Variants in WSCD2 observed in about 807,000 individuals in gnomAD.
WSCD2 encodes sialate:O-sulfotransferase 2.
Under a neutral mutation model 55.7 loss-of-function variants are expected in WSCD2, and 28 were observed. That is an observed-to-expected ratio of 0.50 (90% CI 0.37 to 0.69). WSCD2 has a LOEUF of 0.69. WSCD2 is among the 30% of genes least tolerant of loss of function. The probability of loss-of-function intolerance (pLI) is 0.00; values close to 1 mark genes in which losing one functional copy is unlikely to be tolerated. For synonymous variants in WSCD2, 301 were observed against 301.9 expected (o/e 1.00, Z 0.03); for missense variants, 616 against 762.1 (o/e 0.81, Z 2.26).
At chr12:108,232,552 C>T (rs1888884475) in intron 6 of WSCD2, among the ~76,000 whole-genome samples, 179 bp from the exon 7 acceptor site, 1 of 152,138 alleles carries the variant, frequency 6.6e-6, no homozygotes, top group Non-Finnish European at 1.5e-5. Flanking sequence ...AACCATCTCC[C>T]TCATTTTACA....
intron 7 of WSCD2, among the ~76,000 whole-genome samples, chr12:108,235,793 C>T (rs1297487412): frequency 6.6e-6 from 1 of 152,140 alleles, no homozygotes; most frequent in African/African-American, 2.4e-5. Flanking sequence ...GTTGCCTTTT[C>T]ATTAGGAGCT....
At chr12:108,218,027 G>C (rs1426364) in intron 4 of WSCD2, among the ~76,000 whole-genome samples, 114,218 of 152,064 alleles carry the variant, frequency 0.75, 43,071 homozygotes, top group East Asian at 0.86. Context: ...TTCCACATGG[G>C]TCTCCCCCTC....
intron 1 of WSCD2, among the ~76,000 whole-genome samples, chr12:108,141,777 A>G (rs12316634): frequency 0.036 from 5,503 of 152,264 alleles, 326 homozygotes; most frequent in African/African-American, 0.12. Context: ...GTATATGATG[A>G]AACTGGAATG....
At chr12:108,142,723 G>T (rs184510041) in intron 1 of WSCD2, among the ~76,000 whole-genome samples, 196 of 152,302 alleles carry the variant, frequency 1.3e-3, no homozygotes, top group Non-Finnish European at 2.3e-3. Context: ...AGGCTTGGCT[G>T]GATCCAGGAG....
intron 5 of WSCD2, 76 bp downstream of exon 5, chr12:108,224,936 C>A: frequency 1.3e-6 from 2 of 1,557,064 alleles, no homozygotes; most frequent in Non-Finnish European, 1.7e-6. Context: ...ACATGCTTGG[C>A]TGGAGAAGCA....
At chr12:108,150,823 A>G (rs753524166) in intron 1 of WSCD2, among the ~76,000 whole-genome samples, 13 of 152,136 alleles carry the variant, frequency 8.5e-5, no homozygotes, top group Non-Finnish European at 1.8e-4. Context: ...TGGGCCCAGC[A>G]GGCACTTGAG....
chr12:108,215,759 G>T (rs1886757582), intron 4 of WSCD2, among the ~76,000 whole-genome samples: 1 of 152,146 alleles, frequency 6.6e-6, no homozygotes, highest in African/African-American at 2.4e-5. Flanking sequence ...CTCTTCCACG[G>T]CTGCCTCTAA....
At chr12:108,199,534 G>A (rs928433988) in intron 2 of WSCD2, among the ~76,000 whole-genome samples, 2 of 152,234 alleles carry the variant, frequency 1.3e-5, no homozygotes, top group African/African-American at 4.8e-5. Flanking sequence ...GTGCAGCCTT[G>A]GGCAGGTCGC....
chr12:108,199,424 T>A (rs1431022448), intron 2 of WSCD2, among the ~76,000 whole-genome samples: 1 of 152,098 alleles, frequency 6.6e-6, no homozygotes, highest in Non-Finnish European at 1.5e-5. Flanking sequence ...CATGTGCCAG[T>A]CATTTACCTA....
intron 8 of WSCD2, among the ~76,000 whole-genome samples, chr12:108,242,721 C>G (rs1889849661): frequency 6.6e-6 from 1 of 152,180 alleles, no homozygotes; most frequent in Non-Finnish European, 1.5e-5. Flanking sequence ...AACCCATCCC[C>G]TAGATATTAA....
intron 2 of WSCD2, among the ~76,000 whole-genome samples, chr12:108,205,828 G>A (rs1473068831): frequency 6.6e-6 from 1 of 152,240 alleles, no homozygotes; most frequent in Non-Finnish European, 1.5e-5. Context: ...ATGCTAGGAG[G>A]TAAACGAAGT....
At chr12:108,203,076 G>A (rs1884910117) in intron 2 of WSCD2, among the ~76,000 whole-genome samples, 1 of 152,198 alleles carries the variant, frequency 6.6e-6, no homozygotes, top group African/African-American at 2.4e-5. Context: ...CCTGGACATG[G>A]ATTTGGTCTG....
intron 2 of WSCD2, among the ~76,000 whole-genome samples, chr12:108,205,724 A>T (rs1371086875): frequency 6.6e-6 from 1 of 152,196 alleles, no homozygotes; most frequent in Non-Finnish European, 1.5e-5. Flanking sequence ...TACATAAATC[A>T]TTCTATTTTA....
intron 5 of WSCD2, among the ~76,000 whole-genome samples, chr12:108,226,425 C>T (rs762670561): frequency 5.3e-5 from 8 of 152,072 alleles, no homozygotes; most frequent in Non-Finnish European, 7.4e-5. Context: ...AAGCATGGGT[C>T]TCATATCACC....
intron 4 of WSCD2, among the ~76,000 whole-genome samples, chr12:108,213,577 G>T (rs922148559): frequency 6.6e-5 from 10 of 152,298 alleles, no homozygotes; most frequent in African/African-American, 2.2e-4. Flanking sequence ...TAAAGGAGGG[G>T]ACATTTGACA....
At chr12:108,143,575 A>G (rs1282732873) in intron 1 of WSCD2, among the ~76,000 whole-genome samples, 2 of 152,230 alleles carry the variant, frequency 1.3e-5, no homozygotes, top group Non-Finnish European at 2.9e-5. Flanking sequence ...CATGCAAGGT[A>G]CTTAGCACTG....
intron 1 of WSCD2, among the ~76,000 whole-genome samples, chr12:108,141,289 TAG>T (rs1291786530): frequency 6.6e-6 from 1 of 152,136 alleles, no homozygotes; most frequent in Admixed American, 6.5e-5. Flanking sequence ...TTTGAAGAGA[TAG>T]AGTCTCACTA....
intron 1 of WSCD2, among the ~76,000 whole-genome samples, chr12:108,185,671 C>T (rs1882389973): frequency 6.6e-6 from 1 of 152,210 alleles, no homozygotes; most frequent in Non-Finnish European, 1.5e-5. Context: ...TTACTCTACG[C>T]CATTCCCTTT....
chr12:108,179,179 A>G (rs1430016837), intron 1 of WSCD2, among the ~76,000 whole-genome samples: 2 of 150,948 alleles, frequency 1.3e-5, no homozygotes, highest in Admixed American at 1.3e-4. Context: ...GACCAGCAGC[A>G]TCAACATCGC....
Sources: gnomAD v4.1 joint callset for allele counts (sites outside exome capture counted in the v4.1 genomes callset) on GRCh38, gnomAD v4.1.1 for gene constraint, MANE v1.5 for transcripts, NCBI Gene and HGNC (gene_info 2026-07-23, HGNC 2026-07-21) for gene names.